PI4KA: variants seen among roughly 807,000 people sequenced by gnomAD.
PI4KA encodes PI4-kinase alpha.
Under a neutral mutation model 271.4 loss-of-function variants are expected in PI4KA, and 122 were observed. The ratio of observed to expected loss-of-function variants is 0.45; its 90% confidence interval spans 0.39 to 0.52. The LOEUF (loss-of-function observed/expected upper bound fraction) is 0.52, where lower values mean the gene tolerates loss of function less well. Among genes scored for constraint, PI4KA ranks in the 20% least tolerant of loss-of-function variants. PI4KA has a pLI of 0.00. For synonymous variants in PI4KA, 1,041 were observed against 1,078.8 expected (o/e 0.96, Z 0.69); for missense variants, 1,969 against 2,769.1 (o/e 0.71, Z 6.48).
intron 19 of PI4KA, chr22:20,787,064 T>G: frequency 6.2e-7 from 1 of 1,614,036 alleles, no homozygotes; most frequent in Non-Finnish European, 8.5e-7. Context: ...CAGCAGGTCC[T>G]AGAGGTGGAG....
At chr22:20,774,563 C>A (rs1441585653) in intron 19 of PI4KA, among the ~76,000 whole-genome samples, 1 of 152,068 alleles carries the variant, frequency 6.6e-6, no homozygotes, top group Non-Finnish European at 1.5e-5. Context: ...GAGTTCAAGA[C>A]CAGCCTGACC....
At chr22:20,792,678 A>G (rs1466542577) in intron 19 of PI4KA, among the ~76,000 whole-genome samples, 12 of 152,194 alleles carry the variant, frequency 7.9e-5, no homozygotes, top group Admixed American at 7.8e-4. Context: ...ACAGGACAGG[A>G]TGGAAACAGG....
chr22:20,792,212 T>C (rs1934687304), intron 19 of PI4KA, among the ~76,000 whole-genome samples: 1 of 152,192 alleles, frequency 6.6e-6, no homozygotes, highest in South Asian at 2.1e-4. Flanking sequence ...CAGTTACTAT[T>C]TTTCATCTAC....
intron 42 of PI4KA, chr22:20,726,252 C>G (rs1927333647): frequency 2.4e-6 from 1 of 414,410 alleles, no homozygotes; most frequent in African/African-American, 2.1e-5. Flanking sequence ...TGGCAACAGC[C>G]CCAGAACCGG....
Position 20,718,756 on chromosome 22 carries a change from T to C in PI4KA, c.5183A>G (p.Lys1728Arg), listed in dbSNP as rs763566602. The change falls in exon 44 of 55, where the codon AAG becomes AGG. Residue 1728 changes from lysine to arginine, a missense_variant. Physicochemically the swap from Lys to Arg is conservative, Grantham distance 26 (BLOSUM62 2). Transcript: ENST00000255882. ...ATCAAACTCCCGCTGGTAAAAGTCC[T>C]TCGCTGGGCCGGACAAGGAGCCTGT... Reference protein sequence around the residue: ...EITGSLSGPAKDFYQREFDFF... With the variant: ...EITGSLSGPARDFYQREFDFF... The C allele has an allele frequency of 8.1e-6, 13 of 1,614,076 alleles. No individual in the cohort carries two copies. The highest frequency in any genetic ancestry group is 1.1e-5 in the Non-Finnish European group (13 of 1,179,978).
chr22:20,730,938 A>G (rs1927963263), intron 36 of PI4KA, among the ~76,000 whole-genome samples: 2 of 151,776 alleles, frequency 1.3e-5, no homozygotes, highest in South Asian at 4.2e-4. Context: ...GCACTTTGGG[A>G]GGCTGAGGCA....
At chr22:20,735,493 C>CT (rs1479124459) in intron 32 of PI4KA, among the ~76,000 whole-genome samples, 1 of 148,076 alleles carries the variant, frequency 6.8e-6, no homozygotes, top group Non-Finnish European at 1.5e-5. Context: ...GCCAGGGTCC[C>CT]TGCTGGCTGA....
At chr22:20,791,356 T>C (rs1934634948) in intron 19 of PI4KA, among the ~76,000 whole-genome samples, 1 of 152,202 alleles carries the variant, frequency 6.6e-6, no homozygotes. Context: ...GCCCCTTACT[T>C]TTCCCTCCAG....
chr22:20,850,115 T>C (rs1926771525), intron 1 of PI4KA, among the ~76,000 whole-genome samples: 1 of 152,190 alleles, frequency 6.6e-6, no homozygotes, highest in Non-Finnish European at 1.5e-5. Flanking sequence ...TGGGTAAATT[T>C]TGTGGTATGT....
rs1165347850 is a variant in PI4KA at position 20,726,462 on chromosome 22, G to A, written c.4995+26C>T. 5 of 1,537,992 alleles carry A rather than the reference G, an allele frequency of 3.3e-6. No individual in the cohort carries two copies. In the African/African-American group the frequency reaches 7.1e-5, roughly 22 times the overall value. On this transcript the variant is annotated intron_variant, in intron 42 of 54. Transcript: ENST00000255882. ...GTGGAACACACTCTGTGAGTGAAGAGGACGGCCATGCAGGTGCAGGCTTAC... is the reference window on the plus strand; with the variant it reads ...GTGGAACACACTCTGTGAGTGAAGAAGACGGCCATGCAGGTGCAGGCTTAC...
chr22:20,830,829 T>A (rs1924061760), intron 3 of PI4KA, among the ~76,000 whole-genome samples: 1 of 152,168 alleles, frequency 6.6e-6, no homozygotes, highest in African/African-American at 2.4e-5. Flanking sequence ...TGGAGTGCAG[T>A]GATGCGACTG....
At chr22:20,760,518 G>C (rs1221929831) in intron 23 of PI4KA, among the ~76,000 whole-genome samples, 1 of 151,932 alleles carries the variant, frequency 6.6e-6, no homozygotes, top group African/African-American at 2.4e-5. Context: ...AAAAAATTAA[G>C]GTATAATTTG....
At chr22:20,846,753 G>A (rs1389200980) in intron 1 of PI4KA, among the ~76,000 whole-genome samples, 2 of 140,842 alleles carry the variant, frequency 1.4e-5, no homozygotes, top group African/African-American at 5.3e-5. Flanking sequence ...TGAGGCAAGA[G>A]AATCACTAGA....
rs752935114 is a variant in PI4KA, at chr22:20,805,116, C to T, written c.1218G>A (p.Gln406=). 1.5e-5 allele frequency: 24 copies of T among 1,614,048 alleles called. No homozygotes were observed. The South Asian group carries it at 2.4e-4, about 16-fold the overall frequency. The change falls in exon 11 of 55, where the codon CAG becomes CAA. Residue 406 remains glutamine, a synonymous_variant. Coordinates refer to ENST00000255882, the MANE Select transcript of PI4KA (RefSeq NM_058004.4). ...GGAGCTCCCCCTGGCTCGTGTTGAA[C>T]TGCTCCAGCACAAAATCATGGATCT... is the stretch of plus-strand genomic sequence containing the variant. ...VKEIHDFVLE[Q]FNTSQGELQK... is the part of the protein sequence containing the mutation.
chr22:20,751,457 C>A lies in PI4KA; in HGVS notation c.3070-81G>T, dbSNP rs779129176. 3.6e-5 allele frequency: 45 copies of A among 1,237,966 alleles called. No homozygotes were observed. The Admixed American group carries it at 8.0e-4, about 22-fold the overall frequency. The allele number at this position is 1,237,966 out of a possible 1,614,324, so 76.7% of individuals were successfully genotyped here. ...CAACCACATGGGCCACCCCTACCCA[C>A]CACCTGTCTGTCTGTGACAGGCCTC... is the stretch of plus-strand genomic sequence containing the variant. On this transcript the variant is annotated intron_variant, in intron 26 of 54. Coordinates refer to ENST00000255882, the MANE Select transcript of PI4KA (RefSeq NM_058004.4).
intron 19 of PI4KA, chr22:20,780,287 G>A (rs1933667059): frequency 9.5e-6 from 15 of 1,585,850 alleles, no homozygotes; most frequent in Non-Finnish European, 1.3e-5. Flanking sequence ...GAACTGTACT[G>A]TAGCTATAAT....
chr22:20,756,267 A>G (rs1394852250), intron 23 of PI4KA, among the ~76,000 whole-genome samples: 1 of 150,742 alleles, frequency 6.6e-6, no homozygotes, highest in Non-Finnish European at 1.5e-5. Flanking sequence ...GCTGGAGCGC[A>G]GTGGTGCGAT....
intron 42 of PI4KA, among the ~76,000 whole-genome samples, chr22:20,723,854 T>C (rs918399792): frequency 6.6e-6 from 1 of 151,424 alleles, no homozygotes; most frequent in East Asian, 2.0e-4. Context: ...TTATTATTTT[T>C]TTGAGACGGA....
chr22:20,798,790 C>T (rs1355702838), intron 16 of PI4KA, 103 bp from the exon 17 acceptor site: 3 of 804,994 alleles, frequency 3.7e-6, no homozygotes, highest in East Asian at 2.4e-5. Context: ...GCACAACAGC[C>T]CAAAGACTAT....
Sources: gnomAD v4.1 joint callset for allele counts (sites outside exome capture counted in the v4.1 genomes callset) on GRCh38, gnomAD v4.1.1 for gene constraint, MANE v1.5 for transcripts, NCBI Gene and HGNC (gene_info 2026-07-23, HGNC 2026-07-21) for gene names.